ITFG1: variants seen among roughly 807,000 people sequenced by gnomAD.
The protein encoded by ITFG1 is integrin alpha FG-GAP repeat containing 1.
Under a neutral mutation model 81.8 loss-of-function variants are expected in ITFG1, and 34 were observed. That is an observed-to-expected ratio of 0.42 (90% CI 0.32 to 0.55). The LOEUF is 0.55. Ranked by LOEUF, ITFG1 falls within the 20% of genes least tolerant of loss-of-function variation. ITFG1 has a pLI of 0.17. For synonymous variants in ITFG1, 285 were observed against 270.6 expected, an observed-to-expected ratio of 1.05 and a Z score of -0.52; for missense variants, 672 against 755.4, an observed-to-expected ratio of 0.89 and a Z score of 1.29.
chr16:47,250,691 C>T (rs1347905925), intron 12 of ITFG1, among the ~76,000 whole-genome samples: 1 of 152,174 alleles, frequency 6.6e-6, no homozygotes, highest in East Asian at 1.9e-4. Context: ...CTAAATGTCA[C>T]TGCAATGTTC....
chr16:47,386,490 T>C (rs1381217597), intron 6 of ITFG1, among the ~76,000 whole-genome samples: 1 of 152,008 alleles, frequency 6.6e-6, no homozygotes, highest in African/African-American at 2.4e-5. Flanking sequence ...ATTCCAAGAG[T>C]GTGAGGTCAA....
At chr16:47,178,444 T>C (rs1458476347) in intron 14 of ITFG1, among the ~76,000 whole-genome samples, 1 of 152,182 alleles carries the variant, frequency 6.6e-6, no homozygotes, top group Non-Finnish European at 1.5e-5. Flanking sequence ...TATCTGATCT[T>C]TGACAAACCT....
chr16:47,241,104 TA>T (rs1965928681), intron 12 of ITFG1, among the ~76,000 whole-genome samples: 1 of 152,178 alleles, frequency 6.6e-6, no homozygotes, highest in African/African-American at 2.4e-5. Flanking sequence ...GTTAACATTT[TA>T]TACACACTAA....
chr16:47,457,607 TG>T (rs1969470431), intron 2 of ITFG1, among the ~76,000 whole-genome samples: 1 of 152,026 alleles, frequency 6.6e-6, no homozygotes, highest in Non-Finnish European at 1.5e-5. Flanking sequence ...AACAGGGGTG[TG>T]GGGGAGAATA....
At chr16:47,433,792 T>TATATAC (rs1491145615) in intron 5 of ITFG1, among the ~76,000 whole-genome samples, 11 of 135,636 alleles carry the variant, frequency 8.1e-5, no homozygotes, top group South Asian at 2.3e-4. Context: ...TATATATATA[T>TATATAC]ACACACACAC....
chr16:47,247,086 G>C (rs564839188), intron 12 of ITFG1, among the ~76,000 whole-genome samples: 9 of 152,042 alleles, frequency 5.9e-5, no homozygotes, highest in African/African-American at 2.2e-4. Context: ...GCATGGCCTA[G>C]TTTTCTTATA....
At chr16:47,158,275 T>C (rs1376794981) in intron 17 of ITFG1, among the ~76,000 whole-genome samples, 6 of 152,066 alleles carry the variant, frequency 3.9e-5, no homozygotes, top group Admixed American at 3.9e-4. Flanking sequence ...TTGTGTATTC[T>C]GTAGAGACGG....
At position 47,271,685 on chromosome 16, in the gene ITFG1, C is replaced by T. The variant is rs187810383; in HGVS notation, c.1071-10990G>A. 3.9e-5 allele frequency among the ~76,000 whole-genome samples: 6 copies of T among 152,184 alleles called. No homozygotes were observed. In the East Asian group the frequency reaches 7.7e-4, roughly 20 times the overall value. ...CCATCTGGCTAACATGGTGAAACCC[C>T]GTCTCTACTAAAAATACAAAACAAT... is the stretch of plus-strand genomic sequence containing the variant. On this transcript the variant is annotated intron_variant, in intron 10 of 17. Transcript: ENST00000320640.
chr16:47,405,943 T>C (rs1258102898), intron 6 of ITFG1, among the ~76,000 whole-genome samples: 1 of 152,232 alleles, frequency 6.6e-6, no homozygotes, highest in Non-Finnish European at 1.5e-5. Flanking sequence ...AGAATATTTC[T>C]GTGAAGTTTC....
intron 13 of ITFG1, among the ~76,000 whole-genome samples, chr16:47,235,013 C>T (rs1271921108): frequency 2.6e-5 from 4 of 152,214 alleles, no homozygotes; most frequent in Non-Finnish European, 4.4e-5. Flanking sequence ...CCTGAATCCT[C>T]CCCAGCCATG....
At chr16:47,283,903 T>C (rs539566601) in intron 10 of ITFG1, among the ~76,000 whole-genome samples, 3 of 152,332 alleles carry the variant, frequency 2.0e-5, no homozygotes, top group African/African-American at 7.2e-5. Flanking sequence ...TGTGGAAAAT[T>C]ACTTGGCAAT....
At chr16:47,328,400 A>G (rs1321854465) in intron 8 of ITFG1, among the ~76,000 whole-genome samples, 1 of 152,108 alleles carries the variant, frequency 6.6e-6, no homozygotes, top group African/African-American at 2.4e-5. Context: ...GCAGCACACC[A>G]ACATGGCACA....
At chr16:47,185,952 C>T (rs991470159) in intron 14 of ITFG1, among the ~76,000 whole-genome samples, 4 of 152,220 alleles carry the variant, frequency 2.6e-5, no homozygotes, top group African/African-American at 9.6e-5. Flanking sequence ...CACAGAAATA[C>T]AAACTACCAT....
intron 8 of ITFG1, among the ~76,000 whole-genome samples, chr16:47,328,668 T>C (rs1967596030): frequency 6.6e-6 from 1 of 152,146 alleles, no homozygotes; most frequent in Non-Finnish European, 1.5e-5. Flanking sequence ...TTAAGGGCTA[T>C]TAATTCTTTT....
chr16:47,317,104 T>C (rs566341788), intron 8 of ITFG1, among the ~76,000 whole-genome samples: 1 of 152,334 alleles, frequency 6.6e-6, no homozygotes, highest in East Asian at 1.9e-4. Flanking sequence ...ATCAGCCTTT[T>C]TCAGGACTGA....
intron 8 of ITFG1, among the ~76,000 whole-genome samples, chr16:47,330,677 A>G (rs1023547610): frequency 4.6e-5 from 7 of 152,192 alleles, no homozygotes; most frequent in African/African-American, 1.7e-4. Context: ...ATGAACAGAT[A>G]CTTCTCAAAA....
chr16:47,455,510 C>T (rs1327951604), intron 2 of ITFG1, among the ~76,000 whole-genome samples: 2 of 151,672 alleles, frequency 1.3e-5, no homozygotes, highest in Non-Finnish European at 2.9e-5. Flanking sequence ...CGCCTGTAAT[C>T]CCAGCACTTT....
intron 8 of ITFG1, among the ~76,000 whole-genome samples, chr16:47,352,556 C>A (rs1053930017): frequency 2.0e-5 from 3 of 152,138 alleles, no homozygotes; most frequent in African/African-American, 7.2e-5. Context: ...AGTCAGGAAA[C>A]AACAGGTGCT....
intron 3 of ITFG1, among the ~76,000 whole-genome samples, chr16:47,453,037 C>G (rs1380759393): frequency 2.6e-5 from 4 of 152,126 alleles, no homozygotes; most frequent in African/African-American, 9.7e-5. Context: ...AGGTATGCAT[C>G]TAAATATTTG....
Sources: gnomAD v4.1 joint callset for allele counts (sites outside exome capture counted in the v4.1 genomes callset) on GRCh38, gnomAD v4.1.1 for gene constraint, MANE v1.5 for transcripts, NCBI Gene and HGNC (gene_info 2026-07-23, HGNC 2026-07-21) for gene names.